CIITA: variants seen among roughly 807,000 people sequenced by gnomAD.
The protein encoded by CIITA is class II major histocompatibility complex transactivator.
Under a neutral mutation model 115.1 loss-of-function variants are expected in CIITA, and 72 were observed. The observed-to-expected ratio is 0.63, with a 90% CI of 0.52 to 0.76. The LOEUF is 0.76. CIITA is among the 30% of genes least tolerant of loss of function. The pLI, the probability that CIITA is intolerant of heterozygous loss-of-function variation, is 0.00. For missense variants in CIITA, 1,617 were observed against 1,463.8 expected, an observed-to-expected ratio of 1.10 and a Z score of -1.71; for synonymous variants, 763 against 635.6, an observed-to-expected ratio of 1.20 and a Z score of -3.02.
At position 10,922,192 on chromosome 16, in the gene CIITA, G is replaced by C. The variant is rs200742204; in HGVS notation, c.3175G>C (p.Val1059Leu). 3 of 1,614,122 alleles carry C rather than the reference G, an allele frequency of 1.9e-6. No individual in the cohort carries two copies. The highest frequency in any genetic ancestry group is 2.5e-6 in the Non-Finnish European group (3 of 1,180,052). Residue 1059 changes from valine to leucine, a missense_variant, in exon 17 of 20, where the codon GTG becomes CTG. By Grantham distance (32) the Val-to-Leu change is conservative (BLOSUM62 1). Coordinates refer to ENST00000324288, the MANE Select transcript of CIITA (RefSeq NM_000246.4). ...LSLYNNCICD[V>L]GAESLARVLP... ...CTTGTACAATAACTGCATCTGCGAC[G>C]TGGGAGCCGAGAGCTTGGCTCGTGT... is the stretch of plus-strand genomic sequence containing the variant.
In CIITA at chr16:10,905,040, G is replaced by A. The variant is rs1004006917; in HGVS notation, c.1006+228G>A. Among the ~76,000 whole-genome samples, 5 of 152,162 alleles carry A rather than the reference G, an allele frequency of 3.3e-5. No homozygotes were observed. The South Asian group carries it at 1.0e-3, about 31-fold the overall frequency. ...TATTGCCCTTCAATAAGCCTGCACT[G>A]GGTGTTAACACTTCATTGTCAGGCT... is the stretch of plus-strand genomic sequence containing the variant. On this transcript the variant is annotated intron_variant, in intron 10 of 19. Coordinates refer to ENST00000324288, the MANE Select transcript of CIITA (RefSeq NM_000246.4).
At chr16:10,904,199 T>C (rs567077129) in intron 9 of CIITA, among the ~76,000 whole-genome samples, 1 of 152,110 alleles carries the variant, frequency 6.6e-6, no homozygotes, top group Non-Finnish European at 1.5e-5. Flanking sequence ...TACATAGATA[T>C]TGTGATTTTT....
chr16:10,901,645 T>C lies in CIITA; in HGVS notation c.481+87T>C. On this transcript the variant is annotated intron_variant, in intron 6 of 19. Transcript: ENST00000324288. The surrounding 1 kb of genome is among the most constrained non-coding windows in gnomAD (Gnocchi z 6.8). The stretch of plus-strand genomic sequence containing the variant: ...GATTGAACTCCTGGCCCAAGTCTGA[T>C]GGGGATGGTGCATGGTGCAGCCCCT... 1 of 1,379,438 alleles carries C rather than the reference T, an allele frequency of 7.2e-7. No individual in the cohort carries two copies. The highest frequency in any genetic ancestry group is 2.4e-5 in the East Asian group (1 of 41,258). The allele number at this position is 1,379,438 out of a possible 1,614,324, so 85.4% of individuals were successfully genotyped here.
rs775032557 is a variant in CIITA at position 10,898,929 on chromosome 16, C to T, written c.363C>T (p.His121=). 5.0e-6 allele frequency: 8 copies of T among 1,613,900 alleles called. No individual in the cohort carries two copies. Among genetic ancestry groups the T allele is most frequent in the Non-Finnish European group, 5.9e-6 (7 of 1,179,972 alleles). The change falls in exon 5 of 20, where the codon CAC becomes CAT. Residue 121 remains histidine, a synonymous_variant. Coordinates refer to ENST00000324288, the MANE Select transcript of CIITA (RefSeq NM_000246.4). The part of the protein sequence containing the change: ...LEGLSKDIFK[H]IGPDEVIGES... ...CTCTGGTTTTTCTCAAAGTAGAGCA[C>T]ATAGGACCAGATGAAGTGATCGGTG...
At position 10,906,864 on chromosome 16, in the gene CIITA, C is replaced by T. The variant is rs1450588699; in HGVS notation, c.1372C>T (p.Arg458Cys). The T allele has an allele frequency of 7.4e-6, 12 of 1,613,392 alleles. No individual in the cohort carries two copies. The highest frequency in any genetic ancestry group is 1.7e-5 in the Admixed American group (1 of 60,014). The change falls in exon 11 of 20, where the codon CGT becomes TGT. Residue 458 changes from arginine (R) to cysteine (C), a missense_variant. Arg to Cys is a radical substitution (Grantham distance 180). Transcript: ENST00000324288. ...VFSVPCHCLN[R>C]PGDAYGLQDL... ...CTCTGTCCCCTGCCATTGCTTGAAC[C>T]GTCCGGGGGATGCCTATGGCCTGCA...
Position 10,901,933 on chromosome 16 carries a change from G to GC in CIITA, c.482-104dup. Reference sequence around the variant, plus strand: ...GCAGCCAGGGCTGAGAAGATGACAAGCATTTCCTCTGTCAGGAGAGACATC... The same window carrying GC: ...GCAGCCAGGGCTGAGAAGATGACAAGCCATTTCCTCTGTCAGGAGAGACATC... On this transcript the variant is annotated intron_variant, in intron 6 of 19. Transcript: ENST00000324288. This position sits in a 1 kb window ranked among gnomAD's most constrained non-coding sequence, Gnocchi z 6.8. 4 of 1,473,266 alleles carry GC rather than the reference G, an allele frequency of 2.7e-6. No homozygotes were observed. Among genetic ancestry groups the GC allele is most frequent in the Non-Finnish European group, 3.8e-6 (4 of 1,063,432 alleles). 91.3% of individuals were successfully genotyped at this position (1,473,266 alleles called of 1,614,324 possible).
rs752824545 is a variant in CIITA, at chr16:10,903,812, G to T, written c.854G>T (p.Gly285Val). The T allele has an allele frequency of 6.2e-7, 1 of 1,614,168 alleles. No individual in the cohort carries two copies. Among genetic ancestry groups the T allele is most frequent in the South Asian group, 1.1e-5 (1 of 91,082 alleles). ...CTCCCAACATCTCCAGACCGGCCAG[G>T]CTCCACCAGCCCCTTCGCTCCATCA... ...HGLPTSPDRP[G>V]STSPFAPSAT... The change falls in exon 9 of 20, where the codon GGC (glycine) becomes GTC (valine). Residue 285 changes from glycine (G) to valine (V), a missense_variant. Transcript: ENST00000324288.
In CIITA at chr16:10,902,548, G is replaced by A. The variant is rs1477006007; in HGVS notation, c.629-110G>A. The A allele has an allele frequency of 2.9e-6, 4 of 1,377,728 alleles. No individual in the cohort carries two copies. The African/African-American group carries it at 4.3e-5, about 15-fold the overall frequency. 85.3% of individuals were successfully genotyped at this position (1,377,728 alleles called of 1,614,324 possible). ...AGGACAGAAACAGCTACTGCTCTTA[G>A]GGAAATTAGGGCCCTTTAGGGGGGT... On this transcript the variant is annotated intron_variant, in intron 7 of 19. Coordinates refer to ENST00000324288, the MANE Select transcript of CIITA (RefSeq NM_000246.4).
intron 5 of CIITA, among the ~76,000 whole-genome samples, chr16:10,899,814 T>C (rs2038525629): frequency 6.6e-6 from 1 of 152,200 alleles, no homozygotes; most frequent in Non-Finnish European, 1.5e-5. Flanking sequence ...GCGCAGCGGC[T>C]CACACCTGTA....
chr16:10,932,855 T>C lies in CIITA; in HGVS notation c.*9000T>C, dbSNP rs2040858327. The stretch of plus-strand genomic sequence containing the variant: ...GGCGCATGTCACCATGCCTGGCTAA[T>C]TGATGTATTTTTTAGTAGAGATGGG... On this transcript the variant is annotated 3_prime_UTR_variant, in exon 20 of 20. Transcript: ENST00000324288. 1 of 152,020 alleles carries C rather than the reference T, an allele frequency of 6.6e-6. No individual in the cohort carries two copies. Among genetic ancestry groups the C allele is most frequent in the African/African-American group, 2.4e-5 (1 of 41,376 alleles). The allele number at this position is 152,020 out of a possible 1,614,324, so 9.4% of individuals were successfully genotyped here. A position where few individuals can be genotyped will look rare whatever the true frequency, so the allele number is the denominator to read the frequency against.
At chr16:10,873,689 G>A (rs145352532), upstream of CIITA, among the ~76,000 whole-genome samples, 9 of 152,270 alleles carry the variant, frequency 5.9e-5, 1 homozygote, top group South Asian at 1.2e-3. Context: ...TCTTTACTTG[G>A]AAGACCTAGT....
chr16:10,867,330 G>A (rs1435156368), intron 1 of CIITA, among the ~76,000 whole-genome samples: 1 of 151,018 alleles, frequency 6.6e-6, no homozygotes, highest in African/African-American at 2.4e-5. Context: ...TGTTGGGGGG[G>A]GGCATGTGTG....
Position 10,909,033 on chromosome 16 carries a change from G to T in CIITA, c.2662G>T (p.Ala888Ser). ...TCTGAGGCCCTCCCTCCACAGGGCT[G>T]CCTTGAGCGACACGGTGGCGCTGTG... ...GLSCVTRFRAALSDTVALWES... is the reference protein window; with the variant it reads ...GLSCVTRFRASLSDTVALWES... Residue 888 changes from alanine (A) to serine (S), a missense_variant, in exon 12 of 20, where the codon GCC becomes TCC. Ala to Ser is a moderately conservative substitution (Grantham distance 99). Transcript: ENST00000324288. 1 of 1,614,154 alleles carries T rather than the reference G, an allele frequency of 6.2e-7. No homozygotes were observed. The highest frequency in any genetic ancestry group is 8.5e-7 in the Non-Finnish European group (1 of 1,179,992).
chr16:10,909,053 G>A lies in CIITA; in HGVS notation c.2682G>A (p.Ala894=), dbSNP rs148091568. 534 of 1,614,186 alleles carry A rather than the reference G, an allele frequency of 3.3e-4. 1 individual carries two copies. In the East Asian group the frequency reaches 3.7e-3, roughly 11 times the overall value. The change falls in exon 12 of 20, where the codon GCG becomes GCA. Residue 894 remains alanine (A), a synonymous_variant. Coordinates refer to ENST00000324288, the MANE Select transcript of CIITA (RefSeq NM_000246.4). The part of the protein sequence containing the change: ...RFRAALSDTV[A]LWESLQQHGE... ...GGGCTGCCTTGAGCGACACGGTGGC[G>A]CTGTGGGAGTCCCTGCAGCAGCATG...
chr16:10,869,673 A>G (rs1317943145), intron 1 of CIITA, among the ~76,000 whole-genome samples: 1 of 152,014 alleles, frequency 6.6e-6, no homozygotes. Flanking sequence ...TTGTGCCACT[A>G]TGCCTGGCTA....
chr16:10,899,820 C>T (rs1452103054), intron 5 of CIITA, among the ~76,000 whole-genome samples: 2 of 152,180 alleles, frequency 1.3e-5, no homozygotes, highest in Non-Finnish European at 2.9e-5. Context: ...CGGCTCACAC[C>T]TGTAATCCCA....
At chr16:10,902,544 C>A in intron 7 of CIITA, 114 bp from the exon 8 acceptor site, 2 of 1,344,928 alleles carry the variant, frequency 1.5e-6, no homozygotes, top group Admixed American at 1.8e-5. Flanking sequence ...AGCTACTGCT[C>A]TTAGGGAAAT....
Position 10,908,120 on chromosome 16 carries a change from C to A in CIITA, c.2628C>A (p.Leu876=). 2 of 1,583,848 alleles carry A rather than the reference C, an allele frequency of 1.3e-6. No individual in the cohort carries two copies. Among genetic ancestry groups the A allele is most frequent in the Non-Finnish European group, 1.7e-6 (2 of 1,164,696 alleles). The change falls in exon 11 of 20, where the codon CTC becomes CTA. Residue 876 remains leucine (L), a synonymous_variant. Transcript: ENST00000324288. ...TTTGCCCCTCTGGATTGGGGAGCCT[C>A]GTGGGACTCAGCTGTGTCACCCGTT... ...TGICPSGLGS[L]VGLSCVTRFR... is the part of the protein sequence containing the mutation.
At chr16:10,900,192 T>A (rs1309651750) in intron 5 of CIITA, among the ~76,000 whole-genome samples, 1 of 152,212 alleles carries the variant, frequency 6.6e-6, no homozygotes, top group African/African-American at 2.4e-5. Context: ...ACCAGCTTCC[T>A]TTTTGCCTTG....
Sources: allele counts gnomAD v4.1 joint callset (sites outside exome capture counted in the v4.1 genomes callset), GRCh38; gene constraint gnomAD v4.1.1; non-coding constraint Gnocchi (gnomAD v3.1); transcripts MANE v1.5; gene names NCBI Gene and HGNC (gene_info 2026-07-23, HGNC 2026-07-21).